SIPA1L1: variants seen among roughly 807,000 people sequenced by gnomAD.
The protein encoded by SIPA1L1 is signal induced proliferation associated 1 like 1, also known as signal-induced proliferation-associated 1-like protein 1.
SIPA1L1 carries 26 observed loss-of-function variants against 162.7 expected under a neutral mutation model. That is an observed-to-expected ratio of 0.16 (90% CI 0.12 to 0.22). The LOEUF is 0.22. Ranked by LOEUF, SIPA1L1 falls within the 10% of genes least tolerant of loss-of-function variation. The probability of loss-of-function intolerance (pLI) is 1.00; values close to 1 mark genes in which losing one functional copy is unlikely to be tolerated. For missense variants in SIPA1L1, 1,874 were observed against 2,241.0 expected, an observed-to-expected ratio of 0.84 and a Z score of 3.31; for synonymous variants, 829 against 837.4, an observed-to-expected ratio of 0.99 and a Z score of 0.17.
chr14:71,700,730 G>C (rs1355351957), intron 14 of SIPA1L1, among the ~76,000 whole-genome samples: 11 of 152,086 alleles, frequency 7.2e-5, no homozygotes, highest in Non-Finnish European at 1.6e-4. Context: ...TACGGTGGCT[G>C]TCGCCTGTAA....
At chr14:71,323,045 C>T (rs1269430827) in intron 2 of SIPA1L1, among the ~76,000 whole-genome samples, 1 of 152,220 alleles carries the variant, frequency 6.6e-6, no homozygotes, top group African/African-American at 2.4e-5. Context: ...ATTCATTTAA[C>T]TCTTCTTTTG....
chr14:71,630,511 A>G (rs1275229147), intron 7 of SIPA1L1, among the ~76,000 whole-genome samples: 1 of 152,236 alleles, frequency 6.6e-6, no homozygotes, highest in South Asian at 2.1e-4. Flanking sequence ...ATCACGATTC[A>G]GAAGGATGCA....
intron 2 of SIPA1L1, among the ~76,000 whole-genome samples, chr14:71,381,967 TTTG>T (rs1342514078): frequency 2.6e-5 from 4 of 152,236 alleles, no homozygotes; most frequent in Admixed American, 1.3e-4. Flanking sequence ...TTTCTCTTTT[TTTG>T]TTTAAATTTT....
At chr14:71,460,478 T>A (rs1261806386) in intron 2 of SIPA1L1, among the ~76,000 whole-genome samples, 1 of 152,148 alleles carries the variant, frequency 6.6e-6, no homozygotes, top group East Asian at 1.9e-4. Flanking sequence ...GTAGACTGAT[T>A]TCATCTTGAT....
At chr14:71,661,898 C>CT in intron 10 of SIPA1L1, among the ~76,000 whole-genome samples, 1 of 152,328 alleles carries the variant, frequency 6.6e-6, no homozygotes, top group African/African-American at 2.4e-5. Context: ...CGTTAGCACT[C>CT]TGACTACAAG....
At chr14:71,461,942 G>A (rs569302804) in intron 2 of SIPA1L1, among the ~76,000 whole-genome samples, 181 of 152,306 alleles carry the variant, frequency 1.2e-3, no homozygotes, top group African/African-American at 4.2e-3. Flanking sequence ...GAGAAGGCAG[G>A]GTGGCAGGAG....
chr14:71,487,123 C>G (rs1409881549), intron 2 of SIPA1L1, among the ~76,000 whole-genome samples: 1 of 152,198 alleles, frequency 6.6e-6, no homozygotes, highest in South Asian at 2.1e-4. Flanking sequence ...ATGAAAAGTT[C>G]TGCTTACTCC....
At chr14:71,603,703 A>G (rs1291583266) in intron 5 of SIPA1L1, among the ~76,000 whole-genome samples, 2 of 151,860 alleles carry the variant, frequency 1.3e-5, no homozygotes, top group African/African-American at 4.8e-5. Flanking sequence ...CGGGTGGATC[A>G]CGAGGTCAGG....
chr14:71,665,992 T>C (rs529888519), intron 10 of SIPA1L1, among the ~76,000 whole-genome samples: 92 of 152,306 alleles, frequency 6.0e-4, no homozygotes, highest in African/African-American at 2.2e-3. Context: ...GGGGAACTAT[T>C]GTGTGCTTCA....
At chr14:71,378,754 C>T (rs1468294290) in intron 2 of SIPA1L1, among the ~76,000 whole-genome samples, 1 of 151,704 alleles carries the variant, frequency 6.6e-6, no homozygotes, top group Non-Finnish European at 1.5e-5. Context: ...TGTCATTGTC[C>T]TTTTTTTATT....
chr14:71,412,561 G>A (rs2042482300), intron 2 of SIPA1L1, among the ~76,000 whole-genome samples: 1 of 152,140 alleles, frequency 6.6e-6, no homozygotes, highest in South Asian at 2.1e-4. Flanking sequence ...TAGGCCCTTG[G>A]TAAGTCTTGT....
At chr14:71,480,616 G>T (rs893454932) in intron 2 of SIPA1L1, among the ~76,000 whole-genome samples, 3 of 151,852 alleles carry the variant, frequency 2.0e-5, no homozygotes, top group African/African-American at 7.3e-5. Context: ...ACAAAAATTA[G>T]CTGGGCTTGG....
intron 20 of SIPA1L1, among the ~76,000 whole-genome samples, chr14:71,732,593 T>C (rs954200573): frequency 2.6e-5 from 4 of 152,218 alleles, no homozygotes; most frequent in African/African-American, 9.6e-5. Flanking sequence ...ATATGTCAGT[T>C]TGTTGTTACA....
rs570911748 is a variant in SIPA1L1, at chr14:71,543,848, G to A, written c.-303+14478G>A. Among the ~76,000 whole-genome samples the A allele has an allele frequency of 9.7e-5, 14 of 143,858 alleles. No homozygotes were observed. The South Asian group carries it at 1.1e-3, about 11-fold the overall frequency. The allele number at this position is 143,858 out of a possible 152,430, so 94.4% of individuals were successfully genotyped here. A position where few individuals can be genotyped will look rare whatever the true frequency, so the allele number is the denominator to read the frequency against. On this transcript the variant is annotated intron_variant, in intron 4 of 23. Coordinates refer to ENST00000381232, the MANE Select transcript of SIPA1L1 (RefSeq NM_001386936.1). ...ATATATACATATATCATATGTATGT[G>A]TATATATACATATATCATACGTATG...
At chr14:71,335,624 G>T (rs1360392915) in intron 2 of SIPA1L1, among the ~76,000 whole-genome samples, 1 of 152,192 alleles carries the variant, frequency 6.6e-6, no homozygotes, top group East Asian at 1.9e-4. Context: ...CCTCAGGGAG[G>T]TAGGAACCAT....
rs560011711 is a variant in SIPA1L1 at position 71,719,383 on chromosome 14, C to G, written c.4209-4264C>G. Among the ~76,000 whole-genome samples, 65 of 152,314 alleles carry G rather than the reference C, an allele frequency of 4.3e-4. 1 individual carries two copies. In the Middle Eastern group the frequency reaches 0.01, roughly 24 times the overall value. On this transcript the variant is annotated intron_variant, in intron 17 of 23. Transcript: ENST00000381232. ...AACTAGTTTTCCGAAGTGGTCATAA[C>G]AAGTAGCACTCCCACCAGCAGTGTA...
At chr14:71,431,671 G>C (rs2044002258) in intron 2 of SIPA1L1, among the ~76,000 whole-genome samples, 1 of 152,114 alleles carries the variant, frequency 6.6e-6, no homozygotes, top group Non-Finnish European at 1.5e-5. Flanking sequence ...TCCAGCCTGG[G>C]CAACAGAGGC....
intron 5 of SIPA1L1, among the ~76,000 whole-genome samples, chr14:71,597,275 C>T (rs1415805170): frequency 2.0e-5 from 3 of 152,192 alleles, no homozygotes; most frequent in Non-Finnish European, 4.4e-5. Context: ...AGCCACTGCA[C>T]CCGCCTTATA....
At position 71,587,918 on chromosome 14, in the gene SIPA1L1, G is replaced by A. The variant is rs1374617661; in HGVS notation, c.46G>A (p.Asp16Asn). 6.2e-7 allele frequency: 1 copy of A among 1,613,370 alleles called. No homozygotes were observed. Among genetic ancestry groups the A allele is most frequent in the Admixed American group, 1.7e-5 (1 of 60,006 alleles). The change falls in exon 5 of 24, where the codon GAC becomes AAC. Residue 16 changes from aspartate (D) to asparagine (N), a missense_variant. Asp to Asn is a conservative substitution (Grantham distance 23, BLOSUM62 1). Around this residue, in one of 5 missense-constraint regions of SIPA1L1, gnomAD observed 685 missense variants for 828.0 expected, o/e 0.83. Transcript: ENST00000381232. ...RSQTERPLATDRASVVGTDGT... is the reference protein window; with the variant it reads ...RSQTERPLATNRASVVGTDGT... ...ACAGACAGAAAGGCCTCTTGCCACT[G>A]ACAGGGCCTCTGTTGTTGGCACAGA...
Sources: allele counts gnomAD v4.1 joint callset (sites outside exome capture counted in the v4.1 genomes callset), GRCh38; gene constraint gnomAD v4.1.1; regional missense constraint gnomAD v4.1.1; transcripts MANE v1.5; gene names NCBI Gene and HGNC (gene_info 2026-07-23, HGNC 2026-07-21).